GALNT17: variants seen among roughly 807,000 people sequenced by gnomAD.
GALNT17 encodes the protein UDP-GalNAc:polypeptide N-acetylgalactosaminyltransferase-like 3.
GALNT17 carries 29 observed loss-of-function variants against 63.7 expected under a neutral mutation model. The observed-to-expected ratio is 0.46, with a 90% CI of 0.34 to 0.62. The LOEUF (loss-of-function observed/expected upper bound fraction) is 0.62, where lower values mean the gene tolerates loss of function less well. Among genes scored for constraint, GALNT17 ranks in the 20% least tolerant of loss-of-function variants. The pLI, the probability that GALNT17 is intolerant of heterozygous loss-of-function variation, is 0.01. For synonymous variants in GALNT17, 305 were observed against 318.3 expected (o/e 0.96, Z 0.45); for missense variants, 603 against 799.6 (o/e 0.75, Z 2.97).
intron 5 of GALNT17, among the ~76,000 whole-genome samples, chr7:71,472,721 A>G (rs1787655265): frequency 6.6e-6 from 1 of 151,196 alleles, no homozygotes; most frequent in South Asian, 2.1e-4. Context: ...TAAAATAAAT[A>G]AAAATTAAAA....
chr7:71,404,685 G>A (rs1458944680), intron 3 of GALNT17, among the ~76,000 whole-genome samples: 1 of 152,240 alleles, frequency 6.6e-6, no homozygotes, highest in Non-Finnish European at 1.5e-5. Context: ...GGTGGGGTGT[G>A]TGTGTATCAC....
At chr7:71,401,097 C>CTT (rs544794124) in intron 3 of GALNT17, among the ~76,000 whole-genome samples, 45 of 140,060 alleles carry the variant, frequency 3.2e-4, no homozygotes, top group African/African-American at 6.9e-4. Flanking sequence ...TTTTCTTTTT[C>CTT]TTTTTTTTTT....
In GALNT17 at chr7:71,622,151, C is replaced by A. The variant is rs73371221; in HGVS notation, c.1081-43260C>A. ...CTTTGGAGCACACCTCACAGGGGAA[C>A]AGGGACCCAGCACAAAATCTGCGGG... On this transcript the variant is annotated intron_variant, in intron 6 of 10. Coordinates refer to ENST00000333538, the MANE Select transcript of GALNT17 (RefSeq NM_022479.3). Among the ~76,000 whole-genome samples the A allele has an allele frequency of 6.9e-3, 1,044 of 152,326 alleles. 15 individuals are homozygous for A. Among genetic ancestry groups the A allele is most frequent in the African/African-American group, 0.024 (1,005 of 41,574 alleles).
chr7:71,647,321 G>A (rs757106588), intron 6 of GALNT17, among the ~76,000 whole-genome samples: 10 of 151,082 alleles, frequency 6.6e-5, no homozygotes, highest in African/African-American at 2.2e-4. Flanking sequence ...TGCCTGCCTC[G>A]GCCTCCCAAA....
chr7:71,139,750 T>C (rs1787851859), intron 1 of GALNT17, among the ~76,000 whole-genome samples: 1 of 152,038 alleles, frequency 6.6e-6, no homozygotes, highest in Non-Finnish European at 1.5e-5. Flanking sequence ...CCCAGCACTT[T>C]GGGAGGCCGT....
At chr7:71,194,357 C>T (rs1202657) in intron 1 of GALNT17, among the ~76,000 whole-genome samples, 54,124 of 152,056 alleles carry the variant, frequency 0.36, 11,770 homozygotes, top group African/African-American at 0.61. Flanking sequence ...TGTCACCAGG[C>T]ATTTCACTGC....
intron 5 of GALNT17, among the ~76,000 whole-genome samples, chr7:71,489,592 T>A (rs1787972596): frequency 6.6e-6 from 1 of 152,100 alleles, no homozygotes; most frequent in African/African-American, 2.4e-5. Flanking sequence ...CCTATTAACC[T>A]CAGAAGGGAG....
intron 6 of GALNT17, among the ~76,000 whole-genome samples, chr7:71,587,865 T>C (rs898471221): frequency 2.0e-5 from 3 of 152,224 alleles, no homozygotes; most frequent in African/African-American, 7.2e-5. Flanking sequence ...GCAGATTATG[T>C]GTAATAAATC....
At chr7:71,604,705 C>A (rs992773966) in intron 6 of GALNT17, among the ~76,000 whole-genome samples, 1 of 152,100 alleles carries the variant, frequency 6.6e-6, no homozygotes, top group African/African-American at 2.4e-5. Flanking sequence ...TGGTTCTGTT[C>A]GCTGGAGCTT....
At chr7:71,480,860 G>T (rs1787805800) in intron 5 of GALNT17, among the ~76,000 whole-genome samples, 1 of 152,136 alleles carries the variant, frequency 6.6e-6, no homozygotes, top group South Asian at 2.1e-4. Context: ...TGCCAAAGTG[G>T]CTGGTGCCAA....
chr7:71,468,705 C>A (rs1212819199), intron 5 of GALNT17, among the ~76,000 whole-genome samples: 1 of 152,076 alleles, frequency 6.6e-6, no homozygotes, highest in Non-Finnish European at 1.5e-5. Flanking sequence ...GTGTGAGCCA[C>A]TGTGCCCGGC....
intron 6 of GALNT17, among the ~76,000 whole-genome samples, chr7:71,660,540 G>A (rs764229223): frequency 1.4e-4 from 22 of 152,196 alleles, no homozygotes; most frequent in Non-Finnish European, 2.6e-4. Flanking sequence ...GAATAGATCC[G>A]CAGGACCCTT....
At chr7:71,494,337 T>A (rs1788059067) in intron 5 of GALNT17, among the ~76,000 whole-genome samples, 3 of 152,006 alleles carry the variant, frequency 2.0e-5, no homozygotes, top group South Asian at 2.1e-4. Context: ...GATAAGAGAT[T>A]TGGGTGGAGA....
chr7:71,560,439 T>C (rs530709262), intron 5 of GALNT17, among the ~76,000 whole-genome samples: 5 of 152,160 alleles, frequency 3.3e-5, no homozygotes, highest in African/African-American at 7.2e-5. Context: ...CAATAGGGAA[T>C]TGATCACTTG....
At chr7:71,587,477 G>C (rs1156529361) in intron 6 of GALNT17, among the ~76,000 whole-genome samples, 1 of 151,974 alleles carries the variant, frequency 6.6e-6, no homozygotes, top group Non-Finnish European at 1.5e-5. Context: ...TTTTGTTGTT[G>C]ATTTCCAGGG....
At chr7:71,528,986 T>C (rs1376382373) in intron 5 of GALNT17, among the ~76,000 whole-genome samples, 1 of 151,838 alleles carries the variant, frequency 6.6e-6, no homozygotes, top group Non-Finnish European at 1.5e-5. Context: ...AATACAAAAA[T>C]TAGCCAGGCA....
Position 71,197,260 on chromosome 7 carries a change from C to T in GALNT17, c.238+64220C>T, listed in dbSNP as rs571677763. On this transcript the variant is annotated intron_variant, in intron 1 of 10. Coordinates refer to ENST00000333538, the MANE Select transcript of GALNT17 (RefSeq NM_022479.3). ...TTTCGCCCAAGCTGGAGTGCAGTGG[C>T]GCGATCTCCGCTCACTGCAAACTCC... Among the ~76,000 whole-genome samples the T allele has an allele frequency of 1.2e-4, 16 of 135,162 alleles. No individual in the cohort carries two copies. The East Asian group carries it at 1.3e-3, about 11-fold the overall frequency. The allele number at this position is 135,162 out of a possible 152,430, so 88.7% of individuals were successfully genotyped here.
intron 3 of GALNT17, among the ~76,000 whole-genome samples, chr7:71,402,852 G>C (rs771135843): frequency 1.3e-5 from 2 of 152,144 alleles, no homozygotes; most frequent in African/African-American, 4.8e-5. Flanking sequence ...CTGAGGCTCT[G>C]AGTGAAATAG....
At chr7:71,533,918 A>G (rs1420999327) in intron 5 of GALNT17, among the ~76,000 whole-genome samples, 1 of 152,146 alleles carries the variant, frequency 6.6e-6, no homozygotes, top group Non-Finnish European at 1.5e-5. Flanking sequence ...AGGTGGTCAG[A>G]TGAGGGGTCT....
Sources: gnomAD v4.1 joint callset for allele counts (sites outside exome capture counted in the v4.1 genomes callset) on GRCh38, gnomAD v4.1.1 for gene constraint, MANE v1.5 for transcripts, NCBI Gene and HGNC (gene_info 2026-07-23, HGNC 2026-07-21) for gene names.